Variants in UGT2A1 observed in about 807,000 individuals in gnomAD.
The protein encoded by UGT2A1 is UDP glucuronosyltransferase family 2 member A1 complex locus.
Under a neutral mutation model 45.4 loss-of-function variants are expected in UGT2A1, and 61 were observed. That is an observed-to-expected ratio of 1.34 (90% confidence interval 1.09 to 1.66). The LOEUF (loss-of-function observed/expected upper bound fraction) is 1.66. UGT2A1 is among the 40% of genes most tolerant of loss of function. The probability of loss-of-function intolerance (pLI) is 0.00; values close to 1 mark genes in which losing one functional copy is unlikely to be tolerated. For synonymous variants in UGT2A1, 229 were observed against 196.2 expected (o/e 1.17, Z -1.40); for missense variants, 649 against 574.3 (o/e 1.13, Z -1.33).
Position 69,599,271 on chromosome 4 carries a change from C to T in UGT2A1, c.971G>A (p.Cys324Tyr). Residue 324 changes from cysteine (C) to tyrosine (Y), a missense_variant, in exon 4 of 7, where the codon TGC (cysteine) becomes TAC (tyrosine). Coordinates refer to ENST00000286604, the MANE Select transcript of UGT2A1 (RefSeq NM_001252275.3). ...PNFEFVGGLH[C>Y]KPAKPLPKVL... is the part of the protein sequence containing the mutation. ...CTTAGGTAAAGGTTTGGCAGGTTTGCAGTGCAATCCTCCAACAAACTCAAA... is the reference window on the plus strand; with the variant it reads ...CTTAGGTAAAGGTTTGGCAGGTTTGTAGTGCAATCCTCCAACAAACTCAAA... The T allele has an allele frequency of 6.2e-7, 1 of 1,613,632 alleles. No homozygotes were observed. The highest frequency in any genetic ancestry group is 8.5e-7 in the Non-Finnish European group (1 of 1,179,828).
chr4:69,604,637 A>G (rs1182739273), intron 3 of UGT2A1, among the ~76,000 whole-genome samples: 1 of 137,200 alleles, frequency 7.3e-6, no homozygotes, highest in Admixed American at 7.2e-5. Context: ...AATTGGATAA[A>G]GAGCCAAGAC....
At chr4:69,649,083 C>G (rs1560499323) in intron 1 of UGT2A1, among the ~76,000 whole-genome samples, 1 of 152,032 alleles carries the variant, frequency 6.6e-6, no homozygotes, top group Non-Finnish European at 1.5e-5. Context: ...ATGCATATGT[C>G]TGTGAATAAG....
intron 3 of UGT2A1, among the ~76,000 whole-genome samples, chr4:69,634,094 A>T (rs1721536897): frequency 6.6e-6 from 1 of 151,920 alleles, no homozygotes; most frequent in South Asian, 2.1e-4. Flanking sequence ...AAATACAAAA[A>T]ATTAGCCGGG....
At chr4:69,591,270 C>T (rs1320046322) in intron 6 of UGT2A1, among the ~76,000 whole-genome samples, 2 of 152,124 alleles carry the variant, frequency 1.3e-5, no homozygotes, top group Non-Finnish European at 2.9e-5. Context: ...TTGGTTTTTA[C>T]ATTTTAGGAA....
intron 3 of UGT2A1, among the ~76,000 whole-genome samples, chr4:69,608,570 G>C (rs1452330771): frequency 6.7e-6 from 1 of 149,426 alleles, no homozygotes; most frequent in Non-Finnish European, 1.5e-5. Context: ...ATAATAAAAA[G>C]AAAAAGAAAA....
At chr4:69,648,089 T>C (rs1324115506) in intron 1 of UGT2A1, among the ~76,000 whole-genome samples, 1 of 151,622 alleles carries the variant, frequency 6.6e-6, no homozygotes, top group Non-Finnish European at 1.5e-5. Context: ...GTTTTTAAAT[T>C]TTTAATGCAT....
rs533528379 is a variant in UGT2A1, at chr4:69,640,730, A to C, written c.716-4908T>G. ...CTTGAGTAACAAAAGAACTGGGAGG[A>C]CAGAGAACAGGAAAGACAAGAGAGA... On this transcript the variant is annotated intron_variant, in intron 2 of 6. Transcript: ENST00000286604. Among the ~76,000 whole-genome samples, 9 of 152,060 alleles carry C rather than the reference A, an allele frequency of 5.9e-5. No individual in the cohort carries two copies. In the East Asian group the frequency reaches 1.7e-3, roughly 29 times the overall value.
intron 3 of UGT2A1, among the ~76,000 whole-genome samples, chr4:69,600,999 A>G (rs1252086700): frequency 6.6e-6 from 1 of 152,096 alleles, no homozygotes; most frequent in Non-Finnish European, 1.5e-5. Context: ...AAACCATCTC[A>G]GTGGGGAAGG....
intron 1 of UGT2A1, among the ~76,000 whole-genome samples, chr4:69,651,598 C>T (rs951469561): frequency 6.6e-6 from 1 of 152,156 alleles, no homozygotes; most frequent in Non-Finnish European, 1.5e-5. Context: ...TGTCAGGTGA[C>T]AGTTCCATGA....
At chr4:69,643,725 G>T (rs903032206) in intron 2 of UGT2A1, among the ~76,000 whole-genome samples, 2 of 151,588 alleles carry the variant, frequency 1.3e-5, no homozygotes, top group African/African-American at 4.8e-5. Context: ...GCATTCCACT[G>T]CAGAGAAGTA....
chr4:69,602,657 A>T (rs1367044486), intron 3 of UGT2A1, among the ~76,000 whole-genome samples: 1 of 137,794 alleles, frequency 7.3e-6, no homozygotes, highest in Non-Finnish European at 1.5e-5. Context: ...TTAAAAACTA[A>T]ATTTCCACTG....
At chr4:69,641,178 G>C (rs1302580544) in intron 2 of UGT2A1, among the ~76,000 whole-genome samples, 1 of 151,736 alleles carries the variant, frequency 6.6e-6, no homozygotes, top group Non-Finnish European at 1.5e-5. Flanking sequence ...CCCAGAGTAA[G>C]GGAAAAAATG....
intron 6 of UGT2A1, among the ~76,000 whole-genome samples, chr4:69,591,169 T>C (rs1718576461): frequency 6.6e-6 from 1 of 152,234 alleles, no homozygotes; most frequent in Non-Finnish European, 1.5e-5. Flanking sequence ...TTTGAAGATA[T>C]TTATTTGTAG....
intron 3 of UGT2A1, among the ~76,000 whole-genome samples, chr4:69,628,081 G>A (rs2109950134): frequency 6.6e-6 from 1 of 151,916 alleles, no homozygotes; most frequent in East Asian, 1.9e-4. Context: ...TATTGCCAAG[G>A]TCAATGTCAA....
chr4:69,628,762 A>G (rs138374361), intron 3 of UGT2A1, among the ~76,000 whole-genome samples: 1 of 149,224 alleles, frequency 6.7e-6, no homozygotes, highest in African/African-American at 2.5e-5. Context: ...ACTAAATGTA[A>G]AGTTTCAGCT....
chr4:69,599,255 A>G lies in UGT2A1; in HGVS notation c.987T>C (p.Pro329=). Residue 329 remains proline (P), a synonymous_variant, in exon 4 of 7, where the codon CCT becomes CCC. Transcript: ENST00000286604. ...ACTGTTGTAGACCTACCTTAGGTAA[A>G]GGTTTGGCAGGTTTGCAGTGCAATC... is the stretch of plus-strand genomic sequence containing the variant. ...VGGLHCKPAK[P]LPKVLWRYKG... The G allele has an allele frequency of 6.2e-7, 1 of 1,613,346 alleles. No homozygotes were observed. Among genetic ancestry groups the G allele is most frequent in the Non-Finnish European group, 8.5e-7 (1 of 1,179,730 alleles).
At chr4:69,616,821 C>T (rs959546339) in intron 3 of UGT2A1, among the ~76,000 whole-genome samples, 11 of 134,940 alleles carry the variant, frequency 8.2e-5, no homozygotes, top group African/African-American at 1.9e-4. Flanking sequence ...AATTTCTCTG[C>T]CATTTTCTTT....
In UGT2A1 at chr4:69,596,493, A is replaced by C. The variant is rs754779494; in HGVS notation, c.997-1244T>G. On this transcript the variant is annotated intron_variant, in intron 4 of 6. Transcript: ENST00000286604. ...AGATATATGTCAGAGAAACTGTTGA[A>C]CTGTCTGTCTTCTGACATGTAGAAA... 927 of 1,316,866 alleles carry C rather than the reference A, an allele frequency of 7.0e-4. 3 individuals carry two copies. The highest frequency in any genetic ancestry group is 5.4e-4 in the Non-Finnish European group (550 of 1,018,090). The allele number at this position is 1,316,866 out of a possible 1,614,324, so 81.6% of individuals were successfully genotyped here.
rs139337193 is a variant in UGT2A1 at position 69,595,250 on chromosome 4, C to T, written c.997-1G>A. The T allele has an allele frequency of 9.3e-6, 15 of 1,613,392 alleles. No homozygotes were observed. The African/African-American group carries it at 1.9e-4, about 20-fold the overall frequency. On this transcript the variant is annotated splice_acceptor_variant, in intron 4 of 6. Coordinates refer to ENST00000286604, the MANE Select transcript of UGT2A1 (RefSeq NM_001252275.3). LOFTEE classifies it high-confidence loss of function. ...TCTTTCCTTTGTATCTCCATAAAAC[C>T]TGTGGAAAATGGTGCTTTAATTTTG...
Sources: gnomAD v4.1 joint callset for allele counts (sites outside exome capture counted in the v4.1 genomes callset) on GRCh38, gnomAD v4.1.1 for gene constraint, MANE v1.5 for transcripts, NCBI Gene and HGNC (gene_info 2026-07-23, HGNC 2026-07-21) for gene names.